PCNX1: variants seen among roughly 807,000 people sequenced by gnomAD.
PCNX1 encodes pecanex 1.
PCNX1 carries 78 observed loss-of-function variants against 242.2 expected under a neutral mutation model. The observed-to-expected ratio is 0.32, with a 90% CI of 0.27 to 0.39. The LOEUF (loss-of-function observed/expected upper bound fraction) is 0.39. PCNX1 is among the 10% of genes least tolerant of loss of function. PCNX1 has a pLI of 1.00. For missense variants in PCNX1, 2,581 were observed against 2,856.5 expected, an observed-to-expected ratio of 0.90 and a Z score of 2.20; for synonymous variants, 1,024 against 1,032.9, an observed-to-expected ratio of 0.99 and a Z score of 0.17.
At chr14:71,106,168 T>G (rs1373563179) in intron 33 of PCNX1, among the ~76,000 whole-genome samples, 1 of 151,672 alleles carries the variant, frequency 6.6e-6, no homozygotes, top group African/African-American at 2.4e-5. Flanking sequence ...TGCATGCCAC[T>G]GCGCCCAACT....
At chr14:71,021,624 C>T (rs1566710674) in intron 12 of PCNX1, among the ~76,000 whole-genome samples, 1 of 152,140 alleles carries the variant, frequency 6.6e-6, no homozygotes, top group Non-Finnish European at 1.5e-5. Flanking sequence ...TTCCTCATTG[C>T]AGTACTGAAA....
At chr14:71,044,871 C>A (rs1363484836) in intron 19 of PCNX1, among the ~76,000 whole-genome samples, 1 of 152,232 alleles carries the variant, frequency 6.6e-6, no homozygotes, top group Non-Finnish European at 1.5e-5. Flanking sequence ...GCCACTCTCT[C>A]ATTATACAAT....
At chr14:71,022,224 C>T (rs969087401) in intron 12 of PCNX1, among the ~76,000 whole-genome samples, 1 of 152,132 alleles carries the variant, frequency 6.6e-6, no homozygotes, top group Non-Finnish European at 1.5e-5. Flanking sequence ...GTCAGTCTTG[C>T]ACTATACCTT....
At chr14:70,991,174 A>G (rs2059153048) in intron 7 of PCNX1, among the ~76,000 whole-genome samples, 1 of 149,584 alleles carries the variant, frequency 6.7e-6, no homozygotes, top group Non-Finnish European at 1.5e-5. Flanking sequence ...GGAATACATT[A>G]CCATTCAAAT....
intron 26 of PCNX1, among the ~76,000 whole-genome samples, chr14:71,068,010 C>T (rs1253907602): frequency 2.0e-5 from 3 of 151,950 alleles, no homozygotes; most frequent in African/African-American, 4.8e-5. Flanking sequence ...TTTTAAAAAA[C>T]TAATGTAATA....
intron 19 of PCNX1, among the ~76,000 whole-genome samples, chr14:71,039,731 A>G (rs1276992223): frequency 6.6e-6 from 1 of 152,166 alleles, no homozygotes; most frequent in Admixed American, 6.6e-5. Context: ...CAAAGTGCAC[A>G]TACCCTCTCC....
chr14:71,046,385 T>G (rs2060861921), intron 20 of PCNX1, among the ~76,000 whole-genome samples: 1 of 152,082 alleles, frequency 6.6e-6, no homozygotes, highest in African/African-American at 2.4e-5. Context: ...TTTTGACATT[T>G]ATAGTACTAA....
At chr14:71,023,326 T>C (rs2060155570) in intron 13 of PCNX1, 94 bp downstream of exon 13, 5 of 882,730 alleles carry the variant, frequency 5.7e-6, no homozygotes, top group Admixed American at 2.0e-5. Flanking sequence ...TTGTTTGGAA[T>C]GCATCAGCCT....
chr14:71,040,452 G>T (rs1311811480), intron 19 of PCNX1, among the ~76,000 whole-genome samples: 2 of 152,048 alleles, frequency 1.3e-5, no homozygotes, highest in South Asian at 4.1e-4. Flanking sequence ...ATGTCTTTGT[G>T]CTTGGGGTTT....
chr14:71,012,648 G>A (rs559442409), intron 10 of PCNX1: 43 of 304,552 alleles, frequency 1.4e-4, no homozygotes, highest in African/African-American at 9.0e-4. Context: ...TGGCCAAGAT[G>A]GTAAAATCCC....
intron 1 of PCNX1, among the ~76,000 whole-genome samples, chr14:70,929,489 A>G (rs905223963): frequency 1.3e-5 from 2 of 152,168 alleles, no homozygotes; most frequent in African/African-American, 2.4e-5. Context: ...TGATTTTTAA[A>G]CAGTTTTTTA....
At chr14:70,983,328 G>A (rs1294722749) in intron 6 of PCNX1, among the ~76,000 whole-genome samples, 2 of 151,622 alleles carry the variant, frequency 1.3e-5, no homozygotes, top group Non-Finnish European at 2.9e-5. Flanking sequence ...TTCTTGGGAC[G>A]GAGTCTCACT....
intron 28 of PCNX1, among the ~76,000 whole-genome samples, chr14:71,088,097 T>A (rs761057178): frequency 1.3e-5 from 2 of 152,166 alleles, no homozygotes; most frequent in African/African-American, 4.8e-5. Context: ...GTCAGTTTTT[T>A]TTGTTTTATT....
Position 70,994,426 on chromosome 14 carries a change from T to TATATAGATATATATATATATATATAG in PCNX1, c.2445-1311_2445-1310insAGATATATATATATATATATAGATAT, listed in dbSNP as rs1387360991. Among the ~76,000 whole-genome samples the TATATAGATATATATATATATATATAG allele has an allele frequency of 1.7e-5, 2 of 114,982 alleles. 1 individual carries two copies. Among genetic ancestry groups the TATATAGATATATATATATATATATAG allele is most frequent in the African/African-American group, 6.3e-5 (2 of 31,764 alleles). The allele number at this position is 114,982 out of a possible 152,430, so 75.4% of individuals were successfully genotyped here. A position where few individuals can be genotyped will look rare whatever the true frequency, so the allele number is the denominator to read the frequency against. On this transcript the variant is annotated intron_variant, in intron 7 of 35. Transcript: ENST00000304743. Reference sequence around the variant, plus strand: ...ATATATATATATATATATATATATATATATGTATGTATGTATGTTTCAACA... The same window carrying TATATAGATATATATATATATATATAG: ...ATATATATATATATATATATATATATATATAGATATATATATATATATATAGATATGTATGTATGTATGTTTCAACA...
At chr14:70,908,557 C>T (rs2030457434) in intron 1 of PCNX1, among the ~76,000 whole-genome samples, 1 of 152,244 alleles carries the variant, frequency 6.6e-6, no homozygotes, top group African/African-American at 2.4e-5. Context: ...GTGTGGGGGT[C>T]GTCCGGGCTC....
At chr14:71,096,074 C>T (rs1004815272) in intron 30 of PCNX1, among the ~76,000 whole-genome samples, 3 of 152,166 alleles carry the variant, frequency 2.0e-5, no homozygotes, top group African/African-American at 7.2e-5. Flanking sequence ...AATCCCAACA[C>T]TTTGGGAGGC....
chr14:71,043,067 GGTATAGTAT>G (rs1240041300), intron 19 of PCNX1, among the ~76,000 whole-genome samples: 1 of 151,912 alleles, frequency 6.6e-6, no homozygotes, highest in African/African-American at 2.4e-5. Context: ...AGCTTTTCTT[GGTATAGTAT>G]TTTTAGCTGA....
At chr14:71,055,038 A>G (rs1275858229) in intron 24 of PCNX1, among the ~76,000 whole-genome samples, 1 of 152,210 alleles carries the variant, frequency 6.6e-6, no homozygotes, top group Non-Finnish European at 1.5e-5. Flanking sequence ...TACTTTGAAA[A>G]TAGTTTTGAT....
intron 28 of PCNX1, among the ~76,000 whole-genome samples, chr14:71,079,508 C>T (rs1000442344): frequency 1.3e-5 from 2 of 151,736 alleles, no homozygotes; most frequent in African/African-American, 4.8e-5. Flanking sequence ...CAGCACCTGA[C>T]TTTTTAATGA....
Sources: allele counts gnomAD v4.1 joint callset (sites outside exome capture counted in the v4.1 genomes callset), GRCh38; gene constraint gnomAD v4.1.1; transcripts MANE v1.5; gene names NCBI Gene and HGNC (gene_info 2026-07-23, HGNC 2026-07-21).